STK32B: variants seen among roughly 807,000 people sequenced by gnomAD.
STK32B encodes the protein serine/threonine kinase 32B, also known as serine/threonine-protein kinase 32B.
A neutral mutation model predicts 52.6 loss-of-function variants in STK32B; 43 were observed. The observed-to-expected ratio is 0.82, with a 90% CI of 0.64 to 1.05. The LOEUF is 1.05. STK32B is among the 50% of genes least tolerant of loss of function. The pLI, the probability that STK32B is intolerant of heterozygous loss-of-function variation, is 0.00. For missense variants in STK32B, 621 were observed against 534.6 expected (o/e 1.16, Z -1.59); for synonymous variants, 238 against 204.3 (o/e 1.17, Z -1.41).
intron 1 of STK32B, among the ~76,000 whole-genome samples, chr4:5,117,924 A>G (rs1714825245): frequency 6.6e-6 from 1 of 152,216 alleles, no homozygotes; most frequent in African/African-American, 2.4e-5. Context: ...ACAGTGAACA[A>G]TTCTTTTAAT....
rs1008402840 is a variant in STK32B at position 5,380,360 on chromosome 4, G to C, written c.435-17847G>C. On this transcript the variant is annotated intron_variant, in intron 4 of 11. Transcript: ENST00000282908. The surrounding 1 kb of genome is among the most constrained non-coding windows in gnomAD (Gnocchi z 4.3). ...AACGCTACCCAAGAGAATGCAAAAG[G>C]CCAGGCTTCTGCATTTAAAATTATA... Among the ~76,000 whole-genome samples, 5 of 152,020 alleles carry C rather than the reference G, an allele frequency of 3.3e-5. No individual in the cohort carries two copies. The highest frequency in any genetic ancestry group is 9.7e-5 in the African/African-American group (4 of 41,392).
At chr4:5,186,226 G>A (rs962594148) in intron 3 of STK32B, among the ~76,000 whole-genome samples, 1 of 152,128 alleles carries the variant, frequency 6.6e-6, no homozygotes, top group African/African-American at 2.4e-5. Context: ...CCCAGACAGT[G>A]GTGCTTTCTC....
chr4:5,370,582 A>C, intron 4 of STK32B, among the ~76,000 whole-genome samples: 1 of 152,266 alleles, frequency 6.6e-6, no homozygotes, highest in South Asian at 2.1e-4. Context: ...ACACAGAGCA[A>C]AGTCACTGGA....
intron 8 of STK32B, chr4:5,458,812 C>G (rs1716786643): frequency 1.3e-5 from 2 of 152,156 alleles, no homozygotes; most frequent in African/African-American, 2.4e-5. Context: ...GCCTAGCCAG[C>G]CAGATTAGCC....
At chr4:5,357,927 G>T (rs958807386) in intron 4 of STK32B, among the ~76,000 whole-genome samples, 2 of 151,954 alleles carry the variant, frequency 1.3e-5, no homozygotes, top group African/African-American at 4.8e-5. Flanking sequence ...GTGGTTCAGG[G>T]GTCATATCAA....
intron 3 of STK32B, among the ~76,000 whole-genome samples, chr4:5,211,457 G>A (rs768809962): frequency 5.3e-5 from 8 of 152,150 alleles, no homozygotes; most frequent in Non-Finnish European, 7.3e-5. Flanking sequence ...TCAACAATGG[G>A]ATGACCAGAA....
At chr4:5,483,569 T>G (rs1449598037) in intron 11 of STK32B, among the ~76,000 whole-genome samples, 1 of 152,212 alleles carries the variant, frequency 6.6e-6, no homozygotes, top group Non-Finnish European at 1.5e-5. Context: ...TTGAAGGTTT[T>G]TTTGTGTCTC....
chr4:5,499,157 T>G lies in STK32B; in HGVS notation c.*74T>G, dbSNP rs1317290573. 6.7e-7 allele frequency: 1 copy of G among 1,495,820 alleles called. No individual in the cohort carries two copies. The highest frequency in any genetic ancestry group is 2.4e-5 in the East Asian group (1 of 40,922). 92.7% of individuals were successfully genotyped at this position (1,495,820 alleles called of 1,614,324 possible). A position where few individuals can be genotyped will look rare whatever the true frequency, so the allele number is the denominator to read the frequency against. ...CCACCCAGAGCCCCTCTTTGTGCCC[T>G]GATGGTCCCTGTCTCACCCCTGAAA... is the stretch of plus-strand genomic sequence containing the variant. On this transcript the variant is annotated 3_prime_UTR_variant, in exon 12 of 12. Coordinates refer to ENST00000282908, the MANE Select transcript of STK32B (RefSeq NM_018401.3).
At chr4:5,488,056 A>G (rs185516391) in intron 11 of STK32B, among the ~76,000 whole-genome samples, 159 of 152,310 alleles carry the variant, frequency 1.0e-3, no homozygotes, top group Middle Eastern at 6.8e-3. Flanking sequence ...TTCATAAACA[A>G]TGTACAGAGT....
At chr4:5,289,134 G>T (rs1166037445) in intron 3 of STK32B, among the ~76,000 whole-genome samples, 1 of 152,136 alleles carries the variant, frequency 6.6e-6, no homozygotes, top group Non-Finnish European at 1.5e-5. Flanking sequence ...AGGCTATATG[G>T]TATAACCTAT....
rs115845125 is a variant in STK32B at position 5,198,955 on chromosome 4, G to A, written c.260+30505G>A. 6.2e-3 allele frequency among the ~76,000 whole-genome samples: 946 copies of A among 151,978 alleles called. 8 individuals carry two copies. The highest frequency in any genetic ancestry group is 0.021 in the African/African-American group (874 of 41,288). ...TATGTACTTTTGTATGAGGTGCAGT[G>A]AAAGGAAACATCAGCCTAAGCCACT... On this transcript the variant is annotated intron_variant, in intron 3 of 11. Transcript: ENST00000282908.
intron 11 of STK32B, among the ~76,000 whole-genome samples, chr4:5,482,008 T>A (rs999470590): frequency 2.0e-5 from 3 of 152,198 alleles, no homozygotes; most frequent in African/African-American, 7.2e-5. Flanking sequence ...CAGTTTGAAG[T>A]CAGGTAGTGT....
intron 3 of STK32B, among the ~76,000 whole-genome samples, chr4:5,312,452 A>G (rs189350833): frequency 0.013 from 1,532 of 121,692 alleles, 29 homozygotes; most frequent in African/African-American, 0.041. Flanking sequence ...CACACCCCAC[A>G]ACAGTCCCCA....
intron 3 of STK32B, among the ~76,000 whole-genome samples, chr4:5,252,610 A>G (rs974311896): frequency 4.6e-5 from 7 of 152,180 alleles, no homozygotes; most frequent in Non-Finnish European, 8.8e-5. Context: ...ACACTTAGCC[A>G]TCCCCTCTAC....
chr4:5,218,459 AT>A (rs1417857726), intron 3 of STK32B, among the ~76,000 whole-genome samples: 4 of 152,218 alleles, frequency 2.6e-5, no homozygotes, highest in East Asian at 1.9e-4. Context: ...GAGCTGACTA[AT>A]GGATTGGTTC....
intron 6 of STK32B, among the ~76,000 whole-genome samples, chr4:5,421,823 G>C (rs1283487977): frequency 6.6e-6 from 1 of 152,214 alleles, no homozygotes; most frequent in Non-Finnish European, 1.5e-5. Flanking sequence ...TTCACATGAC[G>C]TTTCTACATC....
At chr4:5,218,083 A>G (rs1272378894) in intron 3 of STK32B, among the ~76,000 whole-genome samples, 1 of 152,102 alleles carries the variant, frequency 6.6e-6, no homozygotes, top group African/African-American at 2.4e-5. Flanking sequence ...AGGACTCTTT[A>G]AATTGCTTAC....
intron 3 of STK32B, among the ~76,000 whole-genome samples, chr4:5,204,450 TTTA>T (rs373416251): frequency 3.0e-5 from 2 of 66,598 alleles, no homozygotes; most frequent in Admixed American, 1.6e-4. Flanking sequence ...GTTTTTGTTT[TTTA>T]GGTTTTTTTG....
intron 3 of STK32B, among the ~76,000 whole-genome samples, chr4:5,221,723 G>T (rs547007290): frequency 6.6e-6 from 1 of 152,046 alleles, no homozygotes; most frequent in East Asian, 1.9e-4. Flanking sequence ...AGGTGTGGTC[G>T]TGTGTGCCTG....
Sources: allele counts gnomAD v4.1 joint callset (sites outside exome capture counted in the v4.1 genomes callset), GRCh38; gene constraint gnomAD v4.1.1; non-coding constraint Gnocchi (gnomAD v3.1); transcripts MANE v1.5; gene names NCBI Gene and HGNC (gene_info 2026-07-23, HGNC 2026-07-21).